The following NUCKS1 variants were observed in gnomAD, a reference collection of about 807,000 sequenced individuals.
NUCKS1 encodes the protein nuclear casein kinase and cyclin dependent kinase substrate 1.
Under a neutral mutation model 33.0 loss-of-function variants are expected in NUCKS1, and 2 were observed. The observed-to-expected ratio is 0.06, with a 90% CI of 0.02 to 0.19. The LOEUF is 0.19. Ranked by LOEUF, NUCKS1 falls within the 10% of genes least tolerant of loss-of-function variation. NUCKS1 has a pLI of 1.00. For missense variants in NUCKS1, 201 were observed against 293.6 expected (o/e 0.68, Z 2.31); for synonymous variants, 106 against 102.8 (o/e 1.03, Z -0.19).
In NUCKS1 at chr1:205,717,437, A is replaced by C. The variant is rs1456412411; in HGVS notation, c.*843T>G. 1 of 985,226 alleles carries C rather than the reference A, an allele frequency of 1.0e-6. No individual in the cohort carries two copies. Among genetic ancestry groups the C allele is most frequent in the Non-Finnish European group, 1.2e-6 (1 of 828,670 alleles). 61.0% of individuals were successfully genotyped at this position (985,226 alleles called of 1,614,324 possible). ...TTCTTGGTAAAATTTTATCCAAAAA[A>C]CAGGATACATATATATTTAGAGAAG... On this transcript the variant is annotated 3_prime_UTR_variant, in exon 7 of 7. Coordinates refer to ENST00000367142, the MANE Select transcript of NUCKS1 (RefSeq NM_022731.5).
intron 1 of NUCKS1, among the ~76,000 whole-genome samples, chr1:205,730,845 G>A (rs1653892718): frequency 6.6e-6 from 1 of 152,010 alleles, no homozygotes; most frequent in African/African-American, 2.4e-5. Context: ...ACATAAAACA[G>A]CAAAATGAGC....
At position 205,743,289 on chromosome 1, in the gene NUCKS1, T is replaced by C. The variant is rs532828833; in HGVS notation, c.17+6668A>G. 6.6e-5 allele frequency among the ~76,000 whole-genome samples: 10 copies of C among 152,196 alleles called. No homozygotes were observed. In the East Asian group the frequency reaches 9.6e-4, roughly 15 times the overall value. On this transcript the variant is annotated intron_variant, in intron 1 of 6. Transcript: ENST00000367142. ...AGCCAGTGAGAAAAAGTTTTGAAAA[T>C]TGTAAAATGCTTTGTGACTGCAAGA...
Position 205,729,450 on chromosome 1 carries a change from T to A in NUCKS1, c.67+122A>T, listed in dbSNP as rs565383079. 162 of 778,066 alleles carry A rather than the reference T, an allele frequency of 2.1e-4. 1 individual carries two copies. In the African/African-American group the frequency reaches 2.5e-3, roughly 12 times the overall value. 48.2% of individuals were successfully genotyped at this position (778,066 alleles called of 1,614,324 possible). On this transcript the variant is annotated intron_variant, in intron 2 of 6. Coordinates refer to ENST00000367142, the MANE Select transcript of NUCKS1 (RefSeq NM_022731.5). ...TTGGTTGACACAGATCATGACATGGTTTTGGTAAATGATCTAAAAATAAAA... is the reference window on the plus strand; with the variant it reads ...TTGGTTGACACAGATCATGACATGGATTTGGTAAATGATCTAAAAATAAAA...
chr1:205,719,025 G>A (rs1397706870), intron 6 of NUCKS1, among the ~76,000 whole-genome samples: 3 of 152,186 alleles, frequency 2.0e-5, no homozygotes, highest in African/African-American at 4.8e-5. Flanking sequence ...TAACAAACTA[G>A]CTCCAACGAG....
chr1:205,719,297 A>G (rs1671881219), intron 6 of NUCKS1, among the ~76,000 whole-genome samples: 1 of 152,202 alleles, frequency 6.6e-6, no homozygotes, highest in Non-Finnish European at 1.5e-5. Context: ...TTGCTCAAGT[A>G]CTGGCAGTAG....
At chr1:205,745,209 T>C (rs1369712671) in intron 1 of NUCKS1, among the ~76,000 whole-genome samples, 1 of 152,222 alleles carries the variant, frequency 6.6e-6, no homozygotes, top group Non-Finnish European at 1.5e-5. Context: ...CACTAACTCC[T>C]TGGGTTCAAA....
rs1671859867 is a variant in NUCKS1, at chr1:205,718,192, C to T, written c.*88G>A. ...AGCCATAGCCAAAACCATGTTCTAT[C>T]TTAAGTAGGTTCTTTTTTTTCCTCC... On this transcript the variant is annotated 3_prime_UTR_variant, in exon 7 of 7. Transcript: ENST00000367142. 1.4e-6 allele frequency: 2 copies of T among 1,480,662 alleles called. No individual in the cohort carries two copies. The highest frequency in any genetic ancestry group is 5.0e-5 in the Admixed American group (2 of 40,188). 91.7% of individuals were successfully genotyped at this position (1,480,662 alleles called of 1,614,324 possible).
intron 4 of NUCKS1, among the ~76,000 whole-genome samples, chr1:205,721,954 G>T (rs907610040): frequency 6.6e-6 from 1 of 151,940 alleles, no homozygotes; most frequent in African/African-American, 2.4e-5. Flanking sequence ...AATTACAGGC[G>T]TGAGCCACTG....
At chr1:205,731,754 T>C (rs1352040787) in intron 1 of NUCKS1, among the ~76,000 whole-genome samples, 1 of 151,934 alleles carries the variant, frequency 6.6e-6, no homozygotes, top group Non-Finnish European at 1.5e-5. Flanking sequence ...TAGCTGGGTG[T>C]GGTGGCGGGC....
At chr1:205,749,490 C>A (rs1452506035) in intron 1 of NUCKS1, among the ~76,000 whole-genome samples, 1 of 152,096 alleles carries the variant, frequency 6.6e-6, no homozygotes, top group Non-Finnish European at 1.5e-5. Context: ...AGGGCCCCCA[C>A]CCCCGCGCCA....
Position 205,750,015 on chromosome 1 carries a change from A to AGGGGGGGGGGGGGGGGGGGGGGGG in NUCKS1, c.-43_-42insCCCCCCCCCCCCCCCCCCCCCCCC. The AGGGGGGGGGGGGGGGGGGGGGGGG allele has an allele frequency of 4.0e-6, 6 of 1,506,272 alleles. No homozygotes were observed. The highest frequency in any genetic ancestry group is 2.7e-6 in the Non-Finnish European group (3 of 1,114,420). 93.3% of individuals were successfully genotyped at this position (1,506,272 alleles called of 1,614,324 possible). On this transcript the variant is annotated 5_prime_UTR_variant, in exon 1 of 7. Transcript: ENST00000367142. The stretch of plus-strand genomic sequence containing the variant: ...GGACCGAGTCGAGAAGCCAAAGACC[A>AGGGGGGGGGGGGGGGGGGGGGGGG]GGACCCCCCCCACCCCGCGCGCTCG...
At position 205,720,525 on chromosome 1, in the gene NUCKS1, C is replaced by T. The variant is rs1440632547; in HGVS notation, c.358G>A (p.Glu120Lys). The T allele has an allele frequency of 6.2e-7, 1 of 1,614,088 alleles. No homozygotes were observed. The highest frequency in any genetic ancestry group is 1.7e-5 in the Admixed American group (1 of 60,008). The change falls in exon 5 of 7, where the codon GAG becomes AAG. Residue 120 changes from glutamate to lysine, a missense_variant. By Grantham distance (56) the Glu-to-Lys change is moderately conservative. Transcript: ENST00000367142. Reference protein sequence around the residue: ...DVGSEEEQEEEDEAPFQEKDS... With the variant: ...DVGSEEEQEEKDEAPFQEKDS... ...CTCTCCTGGAATGGTGCCTCATCCT[C>T]CTCTTCTTGTTCTTCCTCACTGCCC...
In NUCKS1 at chr1:205,714,735, A is replaced by G. The variant is rs1225442848; in HGVS notation, c.*3545T>C. On this transcript the variant is annotated 3_prime_UTR_variant, in exon 7 of 7. Coordinates refer to ENST00000367142, the MANE Select transcript of NUCKS1 (RefSeq NM_022731.5). ...CAGCTTGTTACATTTTCCCTATCCT[A>G]TGGCAGGAAATGCGTATTACTTCTG... is the stretch of plus-strand genomic sequence containing the variant. The G allele has an allele frequency of 6.6e-6, 1 of 152,178 alleles. No homozygotes were observed. Among genetic ancestry groups the G allele is most frequent in the East Asian group, 1.9e-4 (1 of 5,200 alleles). The allele number at this position is 152,178 out of a possible 1,614,324, so 9.4% of individuals were successfully genotyped here. A position where few individuals can be genotyped will look rare whatever the true frequency, so the allele number is the denominator to read the frequency against.
In NUCKS1 at chr1:205,719,624, G is replaced by T; in HGVS notation, c.435C>A (p.Asp145Glu). ...DFLMEDDDDS[D>E]YGSSKKKNKK... ...TGTTTTTCTTTTTCGAACTGCCATA[G>T]TCACTATCGTCATCATCTTCCATTA... Residue 145 changes from aspartate to glutamate, a missense_variant, in exon 6 of 7, where the codon GAC becomes GAA. Transcript: ENST00000367142. 6.2e-7 allele frequency: 1 copy of T among 1,613,504 alleles called. No individual in the cohort carries two copies. Among genetic ancestry groups the T allele is most frequent in the Non-Finnish European group, 8.5e-7 (1 of 1,179,772 alleles).
chr1:205,746,434 ACTTCTCTCTCT>A (rs1303808069), intron 1 of NUCKS1, among the ~76,000 whole-genome samples: 8 of 67,772 alleles, frequency 1.2e-4, no homozygotes, highest in African/African-American at 3.1e-4. Flanking sequence ...TAATAAACTC[ACTTCTCTCTCT>A]CTCTCTCTCA....
At chr1:205,736,825 C>T (rs962202844) in intron 1 of NUCKS1, among the ~76,000 whole-genome samples, 1 of 149,006 alleles carries the variant, frequency 6.7e-6, no homozygotes, top group East Asian at 2.0e-4. Flanking sequence ...AGCAAAACTC[C>T]TTCTAAAAAA....
rs1041484445 is a variant in NUCKS1 at position 205,714,420 on chromosome 1, T to G, written c.*3860A>C. ...CACCAGTTCAGTCACTCCATTGGCA[T>G]GGCAACAGGCAGGTTTACGGGATGT... On this transcript the variant is annotated 3_prime_UTR_variant, in exon 7 of 7. Coordinates refer to ENST00000367142, the MANE Select transcript of NUCKS1 (RefSeq NM_022731.5). 1.3e-5 allele frequency: 2 copies of G among 152,104 alleles called. No homozygotes were observed. The highest frequency in any genetic ancestry group is 2.9e-5 in the Non-Finnish European group (2 of 68,038). 9.4% of individuals were successfully genotyped at this position (152,104 alleles called of 1,614,324 possible). A position where few individuals can be genotyped will look rare whatever the true frequency, so the allele number is the denominator to read the frequency against.
chr1:205,729,685 C>T (rs892771097), intron 1 of NUCKS1, 64 bp from the exon 2 acceptor site: 6 of 1,171,656 alleles, frequency 5.1e-6, no homozygotes, highest in Non-Finnish European at 7.7e-6. Context: ...GACATCAGAA[C>T]ACACATTTCT....
rs908345809 is a variant in NUCKS1, at chr1:205,750,166, G to A, written c.-193C>T. ...GAACAGACGAGCCCCCCGCTCCCCC[G>A]TCTCTTCAAAATGGATGAATCAAAC... On this transcript the variant is annotated 5_prime_UTR_variant, in exon 1 of 7. The change creates a new upstream start codon in the 5' untranslated region. Transcript: ENST00000367142. The A allele has an allele frequency of 4.9e-6, 3 of 615,188 alleles. No homozygotes were observed. The highest frequency in any genetic ancestry group is 3.7e-5 in the African/African-American group (2 of 53,400). 38.1% of individuals were successfully genotyped at this position (615,188 alleles called of 1,614,324 possible).
Sources: allele counts gnomAD v4.1 joint callset (sites outside exome capture counted in the v4.1 genomes callset), GRCh38; gene constraint gnomAD v4.1.1; transcripts MANE v1.5; gene names NCBI Gene and HGNC (gene_info 2026-07-23, HGNC 2026-07-21).